The following UNC13C variants were observed in gnomAD, a reference collection of about 807,000 sequenced individuals.
UNC13C encodes the protein protein unc-13 homolog C.
In UNC13C, 174 loss-of-function variants were observed where a neutral mutation model predicts 245.4. The observed-to-expected ratio is 0.71, with a 90% CI of 0.63 to 0.80. The LOEUF is 0.80. Ranked by LOEUF, UNC13C falls within the 30% of genes least tolerant of loss-of-function variation. The probability of loss-of-function intolerance (pLI) is 0.00; values close to 1 mark genes in which losing one functional copy is unlikely to be tolerated. For synonymous variants in UNC13C, 992 were observed against 895.1 expected (o/e 1.11, Z -1.93); for missense variants, 2,829 against 2,602.9 (o/e 1.09, Z -1.89).
chr15:54,197,505 G>A (rs1037405499), intron 4 of UNC13C, among the ~76,000 whole-genome samples: 3 of 151,842 alleles, frequency 2.0e-5, no homozygotes, highest in East Asian at 1.9e-4. Context: ...TTAGAAAGAC[G>A]CTGGATAGGT....
chr15:53,859,913 C>G, the UNC13C span, among the ~76,000 whole-genome samples: 2 of 152,242 alleles, frequency 1.3e-5, no homozygotes, highest in South Asian at 4.1e-4. Context: ...TTTTGTCTTT[C>G]TCTGGTTCTT....
intron 2 of UNC13C, among the ~76,000 whole-genome samples, chr15:54,030,462 TCAGA>T (rs879433149): frequency 2.6e-5 from 4 of 152,236 alleles, no homozygotes; most frequent in East Asian, 3.9e-4. Flanking sequence ...AGAGATAATC[TCAGA>T]CAGTAAGGTC....
intron 14 of UNC13C, among the ~76,000 whole-genome samples, chr15:54,328,071 G>A (rs57216569): frequency 0.26 from 39,025 of 151,958 alleles, 5,495 homozygotes; most frequent in Admixed American, 0.34. Flanking sequence ...AAGGCTAAGC[G>A]TGTCTTGATC....
the UNC13C span, among the ~76,000 whole-genome samples, chr15:53,954,241 T>G: frequency 4.6e-5 from 7 of 152,246 alleles, no homozygotes; most frequent in Non-Finnish European, 7.3e-5. Flanking sequence ...ATGTTCCATG[T>G]GCATATCTAT....
chr15:54,632,498 G>A (rs1901472902), downstream of UNC13C: 1 of 152,136 alleles, frequency 6.6e-6, no homozygotes, highest in African/African-American at 2.4e-5. Flanking sequence ...GAACCGTTTT[G>A]AGGTTAATAG....
At chr15:53,999,617 T>C (rs1340421975) in intron 1 of UNC13C, among the ~76,000 whole-genome samples, 1 of 152,036 alleles carries the variant, frequency 6.6e-6, no homozygotes, top group Non-Finnish European at 1.5e-5. Flanking sequence ...GTATTTAATT[T>C]GCTCTTTTTT....
At chr15:54,250,190 TGGC>T in intron 7 of UNC13C, 32 bp from the exon 8 acceptor site, 2 of 1,579,556 alleles carry the variant, frequency 1.3e-6, no homozygotes, top group Non-Finnish European at 1.7e-6. Context: ...TCCACTGACT[TGGC>T]GGTGCATTGG....
intron 8 of UNC13C, among the ~76,000 whole-genome samples, chr15:54,257,389 T>C (rs1464212206): frequency 6.6e-6 from 1 of 152,242 alleles, no homozygotes; most frequent in East Asian, 1.9e-4. Flanking sequence ...CATACTGTTA[T>C]GCGAGCACAT....
chr15:53,851,288 C>T, the UNC13C span, among the ~76,000 whole-genome samples: 2 of 152,138 alleles, frequency 1.3e-5, no homozygotes, highest in South Asian at 4.1e-4. Flanking sequence ...GAGTACTGGA[C>T]TTTGTTCTGG....
intron 4 of UNC13C, among the ~76,000 whole-genome samples, chr15:54,189,300 T>C (rs1567081952): frequency 1.3e-5 from 2 of 152,178 alleles, no homozygotes; most frequent in Non-Finnish European, 2.9e-5. Context: ...ATATGGGTGT[T>C]AAGTTTGCCT....
Position 54,137,526 on chromosome 15 carries a change from T to C in UNC13C, c.2984-5492T>C, listed in dbSNP as rs78647191. On this transcript the variant is annotated intron_variant, in intron 2 of 32. Transcript: ENST00000260323. ...ACTCATTATTGGTCTGCTCAGACTT[T>C]ATCTTTCTTTATGATTCAGTATTGG... Among the ~76,000 whole-genome samples the C allele has an allele frequency of 5.7e-3, 871 of 152,326 alleles. 8 individuals carry two copies. The highest frequency in any genetic ancestry group is 0.02 in the African/African-American group (833 of 41,584).
chr15:54,097,946 A>G (rs11633417), intron 2 of UNC13C, among the ~76,000 whole-genome samples: 1 of 152,356 alleles, frequency 6.6e-6, no homozygotes, highest in East Asian at 1.9e-4. Context: ...CATTTCATGT[A>G]TGCGAAATGA....
intron 17 of UNC13C, among the ~76,000 whole-genome samples, chr15:54,352,451 G>A (rs140630891): frequency 3.8e-4 from 57 of 151,012 alleles, no homozygotes; most frequent in African/African-American, 1.4e-3. Flanking sequence ...TGAATAAAAT[G>A]GTGTTGCATT....
intron 19 of UNC13C, among the ~76,000 whole-genome samples, chr15:54,441,773 A>G (rs940888376): frequency 6.6e-6 from 1 of 151,746 alleles, no homozygotes; most frequent in Non-Finnish European, 1.5e-5. Context: ...CTATTGGTTG[A>G]TTTACGTGTA....
chr15:53,943,226 G>C, the UNC13C span, among the ~76,000 whole-genome samples: 2 of 152,144 alleles, frequency 1.3e-5, no homozygotes, highest in African/African-American at 4.8e-5. Context: ...CATGTATCAA[G>C]TTTAAGTGGC....
At chr15:54,127,815 A>T (rs1043025591) in intron 2 of UNC13C, among the ~76,000 whole-genome samples, 80 of 141,812 alleles carry the variant, frequency 5.6e-4, no homozygotes, top group African/African-American at 1.4e-3. Context: ...ATATATATAT[A>T]TTTTTAAAAG....
intron 4 of UNC13C, among the ~76,000 whole-genome samples, chr15:54,227,522 G>C (rs186682352): frequency 6.6e-6 from 1 of 152,272 alleles, no homozygotes; most frequent in South Asian, 2.1e-4. Flanking sequence ...TGAGCTCTTT[G>C]GTGCCTAAAT....
rs552099364 is a variant in UNC13C, at chr15:54,066,747, G to C, written c.2983+50861G>C. ...GTGGAGACCAGAGATGAGGCCAGTG[G>C]CTACAGTATTTGGGCACTGAAAATT... is the stretch of plus-strand genomic sequence containing the variant. On this transcript the variant is annotated intron_variant, in intron 2 of 32. Coordinates refer to ENST00000260323, the MANE Select transcript of UNC13C (RefSeq NM_001080534.3). 7.2e-5 allele frequency among the ~76,000 whole-genome samples: 11 copies of C among 152,200 alleles called. No homozygotes were observed. In the South Asian group the frequency reaches 2.3e-3, roughly 32 times the overall value.
At chr15:54,367,215 C>T (rs1032022947) in intron 17 of UNC13C, among the ~76,000 whole-genome samples, 2 of 152,142 alleles carry the variant, frequency 1.3e-5, no homozygotes, top group South Asian at 2.1e-4. Context: ...CCAAACCAAC[C>T]AAATAGTTCT....
Sources: allele counts gnomAD v4.1 joint callset (sites outside exome capture counted in the v4.1 genomes callset), GRCh38; gene constraint gnomAD v4.1.1; transcripts MANE v1.5; gene names NCBI Gene and HGNC (gene_info 2026-07-23, HGNC 2026-07-21).